DLGAP4: variants seen among roughly 807,000 people sequenced by gnomAD.
DLGAP4 encodes DLG associated protein 4, also known as disks large-associated protein 4.
DLGAP4 carries 18 observed loss-of-function variants against 86.9 expected under a neutral mutation model. The ratio of observed to expected loss-of-function variants is 0.21; its 90% CI spans 0.14 to 0.31. The LOEUF (loss-of-function observed/expected upper bound fraction) is 0.31, where lower values mean the gene tolerates loss of function less well. Ranked by LOEUF, DLGAP4 falls within the 10% of genes least tolerant of loss-of-function variation. The pLI is 1.00. For missense variants in DLGAP4, 1,085 were observed against 1,362.6 expected (o/e 0.80, Z 3.21); for synonymous variants, 548 against 574.3 (o/e 0.95, Z 0.65).
At chr20:36,461,455 C>G (rs1021236382) in intron 7 of DLGAP4, 616 of 981,038 alleles carry the variant, frequency 6.3e-4, no homozygotes, top group Non-Finnish European at 7.0e-4. Flanking sequence ...ACCCGGAGCC[C>G]CGCCCCTCGG....
At chr20:36,524,837 G>C (rs2037608634) in intron 11 of DLGAP4, among the ~76,000 whole-genome samples, 1 of 151,152 alleles carries the variant, frequency 6.6e-6, no homozygotes, top group Non-Finnish European at 1.5e-5. Flanking sequence ...GGGAGACAGA[G>C]GTTGTGGTGA....
chr20:36,513,099 G>A (rs1167072805), intron 10 of DLGAP4, among the ~76,000 whole-genome samples: 2 of 150,932 alleles, frequency 1.3e-5, no homozygotes, highest in Non-Finnish European at 1.5e-5. Flanking sequence ...CCACAGGCCC[G>A]CCGCACCTGG....
rs1428952528 is a variant in DLGAP4, at chr20:36,317,512, G to A, written c.-304+11000G>A. ...TCTGTTGCCCAGGCCGGAGTACAGT[G>A]ACATGATCATAGCTCACTGCAGCCT... On this transcript the variant is annotated intron_variant, in intron 1 of 12. Transcript: ENST00000339266. Among the ~76,000 whole-genome samples the A allele has an allele frequency of 2.3e-5, 3 of 131,766 alleles. No individual in the cohort carries two copies. The Admixed American group carries it at 2.5e-4, about 11-fold the overall frequency. The allele number at this position is 131,766 out of a possible 152,430, so 86.4% of individuals were successfully genotyped here.
At chr20:36,429,398 C>CTTT (rs151254062) in intron 2 of DLGAP4, among the ~76,000 whole-genome samples, 47 of 76,040 alleles carry the variant, frequency 6.2e-4, no homozygotes, top group Non-Finnish European at 7.0e-4. Context: ...TTCTTTTTTT[C>CTTT]TTTTTTTTTT....
intron 7 of DLGAP4, among the ~76,000 whole-genome samples, chr20:36,493,938 C>T (rs776876844): frequency 6.6e-6 from 1 of 152,218 alleles, no homozygotes; most frequent in South Asian, 2.1e-4. Context: ...GCCAGCTGAA[C>T]GCAGTTGCTC....
intron 1 of DLGAP4, among the ~76,000 whole-genome samples, chr20:36,358,635 T>A (rs189986367): frequency 6.6e-6 from 1 of 152,034 alleles, no homozygotes; most frequent in African/African-American, 2.4e-5. Context: ...TGAAACCCTG[T>A]CTCTACTAAA....
In DLGAP4 at chr20:36,394,598, G is replaced by A. The variant is rs574651851; in HGVS notation, c.-73+27323G>A. Among the ~76,000 whole-genome samples, 21 of 152,262 alleles carry A rather than the reference G, an allele frequency of 1.4e-4. No individual in the cohort carries two copies. The East Asian group carries it at 1.5e-3, about 11-fold the overall frequency. On this transcript the variant is annotated intron_variant, in intron 2 of 12. Coordinates refer to ENST00000339266, the MANE Select transcript of DLGAP4 (RefSeq NM_001365621.2). ...CATGCACGTGTGCGCACGAGCCTCC[G>A]TGAGTAATTCCAGCGGTGCTTCCCC...
intron 7 of DLGAP4, among the ~76,000 whole-genome samples, chr20:36,463,346 G>C (rs1045827599): frequency 2.6e-5 from 4 of 152,158 alleles, no homozygotes; most frequent in African/African-American, 9.7e-5. Flanking sequence ...CTGTAGACAC[G>C]CTTTGTGAAC....
intron 2 of DLGAP4, among the ~76,000 whole-genome samples, chr20:36,403,137 T>C (rs1435443143): frequency 3.9e-5 from 6 of 152,204 alleles, no homozygotes; most frequent in Admixed American, 1.3e-4. Context: ...GGCTGGGTAA[T>C]GTATAATGAA....
Position 36,526,794 on chromosome 20 carries a change from C to T in DLGAP4, c.2761-19C>T, listed in dbSNP as rs1309019805. 1.3e-6 allele frequency: 2 copies of T among 1,577,506 alleles called. No individual in the cohort carries two copies. On this transcript the variant is annotated intron_variant, in intron 12 of 12. Coordinates refer to ENST00000339266, the MANE Select transcript of DLGAP4 (RefSeq NM_001365621.2). ...CACCTTTATTTTATTTTTGTTCTCT[C>T]CTCACTGTCTCACTAAAGGAAGAGA...
At chr20:36,332,260 T>C (rs1466464602) in intron 1 of DLGAP4, among the ~76,000 whole-genome samples, 1 of 152,166 alleles carries the variant, frequency 6.6e-6, no homozygotes, top group African/African-American at 2.4e-5. Context: ...CTTCCCAGCC[T>C]TTGAGCCTCA....
intron 3 of DLGAP4, among the ~76,000 whole-genome samples, chr20:36,434,955 G>A (rs940354027): frequency 6.6e-6 from 1 of 152,140 alleles, no homozygotes; most frequent in South Asian, 2.1e-4. Flanking sequence ...ATGTGGAGGC[G>A]GGGACAGTGC....
chr20:36,497,416 C>T (rs1431430938), intron 8 of DLGAP4: 6 of 1,128,094 alleles, frequency 5.3e-6, no homozygotes, highest in Non-Finnish European at 6.5e-6. Context: ...CCGTGGGAGG[C>T]GGGACTGGCC....
At chr20:36,370,351 T>A (rs1323713058) in intron 2 of DLGAP4, among the ~76,000 whole-genome samples, 4 of 149,682 alleles carry the variant, frequency 2.7e-5, no homozygotes, top group East Asian at 2.0e-4. Context: ...AAAAAAAAAA[T>A]TTAAATAGCT....
At chr20:36,507,068 G>A (rs190691946) in intron 10 of DLGAP4, among the ~76,000 whole-genome samples, 1 of 152,230 alleles carries the variant, frequency 6.6e-6, no homozygotes, top group East Asian at 1.9e-4. Context: ...ATTTGCCAAT[G>A]GATAGGTGGA....
At chr20:36,464,131 A>T (rs2034231856) in intron 7 of DLGAP4, among the ~76,000 whole-genome samples, 1 of 152,138 alleles carries the variant, frequency 6.6e-6, no homozygotes. Flanking sequence ...CCTGGCCTGG[A>T]AGTGAGGGGT....
At chr20:36,430,980 C>T (rs572930252) in intron 2 of DLGAP4, among the ~76,000 whole-genome samples, 47 of 149,210 alleles carry the variant, frequency 3.1e-4, no homozygotes, top group African/African-American at 1.2e-3. Context: ...AAAAAGACCT[C>T]TCTGGCCCTC....
chr20:36,330,445 G>A (rs980153342), intron 1 of DLGAP4, among the ~76,000 whole-genome samples: 2 of 152,110 alleles, frequency 1.3e-5, no homozygotes, highest in Admixed American at 6.5e-5. Context: ...TTTACTCTCC[G>A]TGGGACCTCA....
chr20:36,432,351 G>A lies in DLGAP4; in HGVS notation c.634G>A (p.Asp212Asn). The change falls in exon 3 of 13, where the codon GAC (aspartate) becomes AAC (asparagine). Residue 212 changes from aspartate (D) to asparagine (N), a missense_variant. Asp to Asn is a conservative substitution (Grantham distance 23). Around this residue, in one of 2 missense-constraint regions of DLGAP4, gnomAD observed 1,082 missense variants for 1,344.1 expected, o/e 0.81. Transcript: ENST00000339266. This position sits in a 1 kb window ranked among gnomAD's most constrained non-coding sequence, Gnocchi z 6.5. The part of the protein sequence containing the change: ...SGWWSSDDNL[D>N]GEAGAFRSSG... The stretch of plus-strand genomic sequence containing the variant: ...CTGGTGGAGCTCCGATGACAACTTG[G>A]ACGGCGAGGCCGGCGCCTTCCGCAG... 1 of 1,613,608 alleles carries A rather than the reference G, an allele frequency of 6.2e-7. No individual in the cohort carries two copies. Among genetic ancestry groups the A allele is most frequent in the South Asian group, 1.1e-5 (1 of 91,076 alleles).
Sources: allele counts gnomAD v4.1 joint callset (sites outside exome capture counted in the v4.1 genomes callset), GRCh38; gene constraint gnomAD v4.1.1; regional missense constraint gnomAD v4.1.1; non-coding constraint Gnocchi (gnomAD v3.1); transcripts MANE v1.5; gene names NCBI Gene and HGNC (gene_info 2026-07-23, HGNC 2026-07-21).